STAU2: variants seen among roughly 807,000 people sequenced by gnomAD.
STAU2 encodes staufen double-stranded RNA binding protein 2.
Under a neutral mutation model 65.9 loss-of-function variants are expected in STAU2, and 20 were observed. That is an observed-to-expected ratio of 0.30 (90% CI 0.21 to 0.44). The LOEUF (loss-of-function observed/expected upper bound fraction) is 0.44, where lower values mean the gene tolerates loss of function less well. Ranked by LOEUF, STAU2 falls within the 20% of genes least tolerant of loss-of-function variation. The pLI is 1.00. For synonymous variants in STAU2, 232 were observed against 233.9 expected (o/e 0.99, Z 0.07); for missense variants, 558 against 683.9 (o/e 0.82, Z 2.05).
intron 13 of STAU2, among the ~76,000 whole-genome samples, chr8:73,459,118 T>C (rs929028861): frequency 2.0e-5 from 3 of 152,244 alleles, no homozygotes; most frequent in African/African-American, 7.2e-5. Context: ...TATTCATTTT[T>C]CTTTAACAAC....
In STAU2 at chr8:73,421,186, CAA is replaced by C. The variant is rs1423556643; in HGVS notation, c.*184_*185del. The C allele has an allele frequency of 5.4e-6, 3 of 551,712 alleles. No individual in the cohort carries two copies. Among genetic ancestry groups the C allele is most frequent in the Non-Finnish European group, 9.3e-6 (3 of 321,764 alleles). The allele number at this position is 551,712 out of a possible 1,614,324, so 34.2% of individuals were successfully genotyped here. The stretch of plus-strand genomic sequence containing the variant: ...GATCTCGAGTTCCAAGGGAAATGCT[CAA>C]AGTTTTATTTTTCCCCAGTTGAATA... On this transcript the variant is annotated 3_prime_UTR_variant, in exon 15 of 15. Transcript: ENST00000524300.
At chr8:73,494,092 CAG>C (rs1821278822) in intron 13 of STAU2, among the ~76,000 whole-genome samples, 1 of 151,646 alleles carries the variant, frequency 6.6e-6, no homozygotes, top group Non-Finnish European at 1.5e-5. Flanking sequence ...TATATCTTGA[CAG>C]GGGTTTGAGT....
intron 13 of STAU2, among the ~76,000 whole-genome samples, chr8:73,484,384 G>T (rs75120523): frequency 6.6e-6 from 1 of 152,020 alleles, no homozygotes; most frequent in African/African-American, 2.4e-5. Flanking sequence ...TATTTCTATC[G>T]CAAGTGACTA....
chr8:73,717,312 C>T (rs1476994947), intron 3 of STAU2, among the ~76,000 whole-genome samples: 1 of 150,484 alleles, frequency 6.6e-6, no homozygotes, highest in African/African-American at 2.5e-5. Flanking sequence ...ATAGTTTGTA[C>T]TTTTAATGTA....
intron 3 of STAU2, among the ~76,000 whole-genome samples, chr8:73,734,329 A>G (rs536045309): frequency 6.6e-6 from 1 of 151,846 alleles, no homozygotes; most frequent in African/African-American, 2.4e-5. Flanking sequence ...AAAAACAACA[A>G]CTATGATCAC....
At chr8:73,436,296 G>T (rs1056500361) in intron 13 of STAU2, among the ~76,000 whole-genome samples, 8 of 151,724 alleles carry the variant, frequency 5.3e-5, no homozygotes, top group Non-Finnish European at 8.8e-5. Flanking sequence ...GTGGGTGAGG[G>T]ATGCAGTGAG....
In STAU2 at chr8:73,481,528, A is replaced by ACCC. The variant is rs144941077; in HGVS notation, c.1531-58827_1531-58826insGGG. 1.4e-4 allele frequency among the ~76,000 whole-genome samples: 21 copies of ACCC among 145,448 alleles called. No homozygotes were observed. In the East Asian group the frequency reaches 3.5e-3, roughly 24 times the overall value. Reference sequence around the variant, plus strand: ...AAAAACAAAAAAACAAAAAAAAAAAACACTTTTTTTGAGTGAACCAAACTA... The same window carrying ACCC: ...AAAAACAAAAAAACAAAAAAAAAAAACCCCACTTTTTTTGAGTGAACCAAACTA... On this transcript the variant is annotated intron_variant, in intron 13 of 14. Transcript: ENST00000524300.
chr8:73,681,127 T>C (rs1818400242), intron 5 of STAU2, among the ~76,000 whole-genome samples: 1 of 152,000 alleles, frequency 6.6e-6, no homozygotes, highest in Non-Finnish European at 1.5e-5. Flanking sequence ...CCCAGGGAAT[T>C]CATTGCAAAA....
At chr8:73,567,274 G>A (rs575511058) in intron 12 of STAU2, among the ~76,000 whole-genome samples, 28 of 152,106 alleles carry the variant, frequency 1.8e-4, no homozygotes, top group Admixed American at 5.9e-4. Flanking sequence ...TTGGGAGGCC[G>A]AGGCGGGCAG....
intron 5 of STAU2, among the ~76,000 whole-genome samples, chr8:73,676,807 G>C (rs1163634101): frequency 2.0e-5 from 3 of 152,144 alleles, no homozygotes; most frequent in Non-Finnish European, 2.9e-5. Flanking sequence ...TGTTGGCCAG[G>C]CTGGTCTCAA....
In STAU2 at chr8:73,649,874, TATA is replaced by T. The variant is rs1563481258; in HGVS notation, c.410+23230_410+23232del. On this transcript the variant is annotated intron_variant, in intron 6 of 14. Transcript: ENST00000524300. ...TATATGTCTTCTATATAATTTTATA[TATA>T]TATATATATATATATATATATATAT... 1.3e-3 allele frequency among the ~76,000 whole-genome samples: 149 copies of T among 112,984 alleles called. 7 individuals carry two copies. The highest frequency in any genetic ancestry group is 4.1e-3 in the Middle Eastern group (1 of 242). The allele number at this position is 112,984 out of a possible 152,430, so 74.1% of individuals were successfully genotyped here.
rs545288625 is a variant in STAU2 at position 73,423,315 on chromosome 8, G to A, written c.1531-613C>T. On this transcript the variant is annotated intron_variant, in intron 13 of 14. Coordinates refer to ENST00000524300, the MANE Select transcript of STAU2 (RefSeq NM_001164380.2). ...CGAGGTGTTGATAGGCTCGGGGTGC[G>A]TGGGAAGCCGCAGGGTGTGAACAGG... 1.1e-3 allele frequency among the ~76,000 whole-genome samples: 173 copies of A among 152,356 alleles called. 3 individuals are homozygous for A. The highest frequency in any genetic ancestry group is 2.0e-3 in the Non-Finnish European group (139 of 68,038).
chr8:73,687,545 G>A lies in STAU2; in HGVS notation c.274+1109C>T, dbSNP rs560082026. Among the ~76,000 whole-genome samples the A allele has an allele frequency of 4.3e-3, 597 of 140,030 alleles. 4 individuals are homozygous for A. The highest frequency in any genetic ancestry group is 7.2e-3 in the Non-Finnish European group (473 of 66,062). The allele number at this position is 140,030 out of a possible 152,430, so 91.9% of individuals were successfully genotyped here. The stretch of plus-strand genomic sequence containing the variant: ...TATATTTAAACTATATATTTAAAAA[G>A]AGAAATTAATCATTTTTTGTAATTT... On this transcript the variant is annotated intron_variant, in intron 5 of 14. Transcript: ENST00000524300.
Position 73,573,613 on chromosome 8 carries a change from T to C in STAU2, c.1222+9157A>G, listed in dbSNP as rs376808690. Among the ~76,000 whole-genome samples the C allele has an allele frequency of 4.3e-4, 65 of 152,262 alleles. No homozygotes were observed. The South Asian group carries it at 0.013, about 31-fold the overall frequency. ...AAATAATACCACACATTTATAACCA[T>C]CTGATCTTTGACAAACCTGCCAAAA... On this transcript the variant is annotated intron_variant, in intron 12 of 14. Coordinates refer to ENST00000524300, the MANE Select transcript of STAU2 (RefSeq NM_001164380.2).
intron 13 of STAU2, among the ~76,000 whole-genome samples, chr8:73,500,358 T>C (rs906512076): frequency 2.6e-5 from 4 of 151,968 alleles, no homozygotes; most frequent in Non-Finnish European, 4.4e-5. Context: ...ACTTGGCACA[T>C]GGCAAATTCA....
intron 13 of STAU2, among the ~76,000 whole-genome samples, chr8:73,514,982 CTG>C (rs1396083633): frequency 6.6e-6 from 1 of 152,138 alleles, no homozygotes; most frequent in Admixed American, 6.6e-5. Flanking sequence ...TAAAACATGA[CTG>C]TTGAGTGAAT....
chr8:73,422,778 A>C, intron 13 of STAU2, 76 bp from the exon 14 acceptor site: 1 of 1,038,538 alleles, frequency 9.6e-7, no homozygotes, highest in Non-Finnish European at 1.3e-6. Flanking sequence ...GAAAGCTGAG[A>C]TAGAAAGACT....
intron 13 of STAU2, among the ~76,000 whole-genome samples, chr8:73,450,564 G>T (rs1818749987): frequency 1.3e-5 from 2 of 152,152 alleles, no homozygotes. Flanking sequence ...GGAAAGTTCA[G>T]GGCTTCAAAA....
rs540229254 is a variant in STAU2, at chr8:73,726,275, T to G, written c.-18+12009A>C. On this transcript the variant is annotated intron_variant, in intron 3 of 14. Transcript: ENST00000524300. ...AATGATACAATGGACTTTGGGGACT[T>G]GGGGAAAGGGTGAAAGTGGTATGAG... Among the ~76,000 whole-genome samples, 7 of 152,218 alleles carry G rather than the reference T, an allele frequency of 4.6e-5. No individual in the cohort carries two copies. In the South Asian group the frequency reaches 1.5e-3, roughly 32 times the overall value.
Sources: allele counts gnomAD v4.1 joint callset (sites outside exome capture counted in the v4.1 genomes callset), GRCh38; gene constraint gnomAD v4.1.1; transcripts MANE v1.5; gene names NCBI Gene and HGNC (gene_info 2026-07-23, HGNC 2026-07-21).